The following MAML3 variants were observed in gnomAD, a reference collection of about 807,000 sequenced individuals.
MAML3 encodes the protein mastermind like transcriptional coactivator 3.
In MAML3, 27 loss-of-function variants were observed where a neutral mutation model predicts 101.9. The ratio of observed to expected loss-of-function variants is 0.27; its 90% confidence interval spans 0.20 to 0.37. The LOEUF (loss-of-function observed/expected upper bound fraction) is 0.37, where lower values mean the gene tolerates loss of function less well. Among genes scored for constraint, MAML3 ranks in the 10% least tolerant of loss-of-function variants. The probability of loss-of-function intolerance (pLI) is 1.00; values close to 1 mark genes in which losing one functional copy is unlikely to be tolerated. For missense variants in MAML3, 1,316 were observed against 1,444.9 expected, an observed-to-expected ratio of 0.91 and a Z score of 1.45; for synonymous variants, 501 against 555.9, an observed-to-expected ratio of 0.90 and a Z score of 1.39.
chr4:140,056,001 A>T (rs983156480), intron 1 of MAML3, among the ~76,000 whole-genome samples: 1 of 152,248 alleles, frequency 6.6e-6, no homozygotes, highest in African/African-American at 2.4e-5. Flanking sequence ...AAAGGGGAAA[A>T]TGAGGCAAGA....
In MAML3 at chr4:139,863,832, G is replaced by GTTTTTTTTTTTTTTTTT. The variant is rs58270046; in HGVS notation, c.2079+25508_2079+25524dup. On this transcript the variant is annotated intron_variant, in intron 2 of 4. Transcript: ENST00000509479. ...TTTCTGTGGTAATACCAGAACATGGGTTTTTTTTTTTTTTTTTTTTTTTTG... is the reference window on the plus strand; with the variant it reads ...TTTCTGTGGTAATACCAGAACATGGGTTTTTTTTTTTTTTTTTTTTTTTTTTTTTTTTTTTTTTTTTG... 1.8e-4 allele frequency among the ~76,000 whole-genome samples: 20 copies of GTTTTTTTTTTTTTTTTT among 111,292 alleles called. 1 individual carries two copies. Among genetic ancestry groups the GTTTTTTTTTTTTTTTTT allele is most frequent in the Middle Eastern group, 5.1e-3 (1 of 198 alleles). The allele number at this position is 111,292 out of a possible 152,430, so 73.0% of individuals were successfully genotyped here. A position where few individuals can be genotyped will look rare whatever the true frequency, so the allele number is the denominator to read the frequency against.
intron 2 of MAML3, among the ~76,000 whole-genome samples, chr4:139,780,766 G>A (rs527375494): frequency 1.5e-4 from 23 of 152,012 alleles, no homozygotes; most frequent in Non-Finnish European, 2.6e-4. Flanking sequence ...GAGCAGCTGG[G>A]ATTACAAGTG....
At chr4:140,054,802 G>A (rs989756365) in intron 1 of MAML3, among the ~76,000 whole-genome samples, 13 of 152,178 alleles carry the variant, frequency 8.5e-5, no homozygotes, top group South Asian at 2.1e-4. Flanking sequence ...CAAGCACAGC[G>A]ATGAGTCCCC....
intron 1 of MAML3, among the ~76,000 whole-genome samples, chr4:140,121,984 T>C (rs1728613534): frequency 6.6e-6 from 1 of 152,168 alleles, no homozygotes. Flanking sequence ...CACTCTGCAC[T>C]TCTCCTTGCT....
intron 1 of MAML3, among the ~76,000 whole-genome samples, chr4:139,947,839 C>A (rs1402528856): frequency 6.6e-6 from 1 of 152,156 alleles, no homozygotes; most frequent in Non-Finnish European, 1.5e-5. Flanking sequence ...TGGTGACTCA[C>A]TCCTGTAATC....
intron 2 of MAML3, among the ~76,000 whole-genome samples, chr4:139,744,723 G>A (rs1457690997): frequency 6.6e-6 from 1 of 152,180 alleles, no homozygotes; most frequent in Non-Finnish European, 1.5e-5. Flanking sequence ...CTGTCCTGGA[G>A]GGAGACTGAA....
intron 1 of MAML3, among the ~76,000 whole-genome samples, chr4:140,029,485 T>C (rs1309947263): frequency 6.6e-6 from 1 of 152,202 alleles, no homozygotes; most frequent in Non-Finnish European, 1.5e-5. Context: ...TTGAGACTGT[T>C]AACTGTTATT....
chr4:139,738,694 A>G (rs1398994233), intron 2 of MAML3, among the ~76,000 whole-genome samples: 1 of 152,160 alleles, frequency 6.6e-6, no homozygotes, highest in Non-Finnish European at 1.5e-5. Flanking sequence ...GCAGAAAAGT[A>G]TAGATAGAAA....
intron 1 of MAML3, among the ~76,000 whole-genome samples, chr4:140,086,958 G>A (rs773183489): frequency 6.8e-4 from 103 of 152,262 alleles, no homozygotes; most frequent in Non-Finnish European, 1.3e-3. Context: ...TCAGGAGTTC[G>A]AGACCGGCAT....
rs1292054372 is a variant in MAML3, at chr4:139,913,955, G to A, written c.469-22988C>T. On this transcript the variant is annotated intron_variant, in intron 1 of 4. Coordinates refer to ENST00000509479, the MANE Select transcript of MAML3 (RefSeq NM_018717.5). The stretch of plus-strand genomic sequence containing the variant: ...CTAGTAAAAGAGGAGGAAAAGAGTT[G>A]TGAACTGCAATTGTAAAGAAAAAAC... 2.0e-5 allele frequency among the ~76,000 whole-genome samples: 3 copies of A among 152,136 alleles called. No homozygotes were observed. The East Asian group carries it at 5.8e-4, about 29-fold the overall frequency.
At chr4:139,962,975 AT>A (rs527462614) in intron 1 of MAML3, among the ~76,000 whole-genome samples, 26 of 150,712 alleles carry the variant, frequency 1.7e-4, no homozygotes, top group African/African-American at 4.1e-4. Context: ...AATAAAACTG[AT>A]TTTTTTTTTA....
chr4:140,070,557 T>C (rs1229630802), intron 1 of MAML3, among the ~76,000 whole-genome samples: 1 of 152,154 alleles, frequency 6.6e-6, no homozygotes, highest in African/African-American at 2.4e-5. Flanking sequence ...CCTTGTAGCA[T>C]CTCTACAACT....
At position 139,716,865 on chromosome 4, in the gene MAML3, A is replaced by G. The variant is rs1727991418; in HGVS notation, c.*2458T>C. ...TACATTTCTTAAAAGGAAATAAGCA[A>G]TGCTCAATGTACAAAGTAAAAACAG... On this transcript the variant is annotated 3_prime_UTR_variant, in exon 5 of 5. Coordinates refer to ENST00000509479, the MANE Select transcript of MAML3 (RefSeq NM_018717.5). 2 of 152,764 alleles carry G rather than the reference A, an allele frequency of 1.3e-5. No individual in the cohort carries two copies. The highest frequency in any genetic ancestry group is 4.8e-5 in the African/African-American group (2 of 41,580). 9.5% of individuals were successfully genotyped at this position (152,764 alleles called of 1,614,324 possible). A position where few individuals can be genotyped will look rare whatever the true frequency, so the allele number is the denominator to read the frequency against.
chr4:140,123,916 G>T (rs1055903890), intron 1 of MAML3, among the ~76,000 whole-genome samples: 1 of 152,152 alleles, frequency 6.6e-6, no homozygotes, highest in Non-Finnish European at 1.5e-5. Flanking sequence ...CTTTTCTTAG[G>T]CAGCTTCACA....
chr4:139,863,287 ATTTG>A (rs376155042), intron 2 of MAML3, among the ~76,000 whole-genome samples: 18 of 147,066 alleles, frequency 1.2e-4, no homozygotes, highest in African/African-American at 4.0e-4. Context: ...TTCTTTGTTC[ATTTG>A]TTTGTTGTGA....
intron 2 of MAML3, among the ~76,000 whole-genome samples, chr4:139,731,711 G>A (rs183510653): frequency 6.6e-6 from 1 of 152,156 alleles, no homozygotes; most frequent in Non-Finnish European, 1.5e-5. Flanking sequence ...TCAGCCAGTC[G>A]AATGATGGCA....
chr4:139,970,171 G>A (rs1441548844), intron 1 of MAML3, among the ~76,000 whole-genome samples: 1 of 152,234 alleles, frequency 6.6e-6, no homozygotes, highest in African/African-American at 2.4e-5. Flanking sequence ...GCAAATGAGT[G>A]TTGTGGAAAT....
intron 1 of MAML3, among the ~76,000 whole-genome samples, chr4:140,088,211 G>A (rs997023307): frequency 3.3e-5 from 5 of 151,998 alleles, no homozygotes; most frequent in African/African-American, 1.2e-4. Context: ...AAGTGTGATG[G>A]GAGGGAGGAA....
At chr4:140,103,043 G>A (rs572256575) in intron 1 of MAML3, among the ~76,000 whole-genome samples, 3 of 152,258 alleles carry the variant, frequency 2.0e-5, no homozygotes, top group African/African-American at 7.2e-5. Context: ...GGGCTTTGTT[G>A]TAACTGCAAG....
Sources: allele counts gnomAD v4.1 joint callset (sites outside exome capture counted in the v4.1 genomes callset), GRCh38; gene constraint gnomAD v4.1.1; transcripts MANE v1.5; gene names NCBI Gene and HGNC (gene_info 2026-07-23, HGNC 2026-07-21).